The following PDE10A variants were observed in gnomAD, a reference collection of about 807,000 sequenced individuals.
The protein encoded by PDE10A is cAMP and cAMP-inhibited cGMP 3',5'-cyclic phosphodiesterase 10A.
PDE10A carries 39 observed loss-of-function variants against 97.7 expected under a neutral mutation model. That is an observed-to-expected ratio of 0.40 (90% confidence interval 0.31 to 0.52). The LOEUF (loss-of-function observed/expected upper bound fraction) is 0.52. Among genes scored for constraint, PDE10A ranks in the 20% least tolerant of loss-of-function variants. The pLI is 0.56. For synonymous variants in PDE10A, 371 were observed against 376.8 expected, an observed-to-expected ratio of 0.98 and a Z score of 0.18; for missense variants, 731 against 1,047.8, an observed-to-expected ratio of 0.70 and a Z score of 4.17.
intron 1 of PDE10A, among the ~76,000 whole-genome samples, chr6:165,955,146 G>T (rs1784097301): frequency 6.6e-6 from 1 of 152,106 alleles, no homozygotes; most frequent in Non-Finnish European, 1.5e-5. Context: ...AGGAGCCCAA[G>T]AGGGCTCGCA....
chr6:165,574,165 G>A (rs750450721), intron 1 of PDE10A, among the ~76,000 whole-genome samples: 1 of 151,958 alleles, frequency 6.6e-6, no homozygotes, highest in Non-Finnish European at 1.5e-5. Flanking sequence ...TTTTAAAGGG[G>A]TGTTCTAGCT....
Position 165,550,070 on chromosome 6 carries a change from C to T in PDE10A, c.866-6502G>A, listed in dbSNP as rs76288204. On this transcript the variant is annotated intron_variant, in intron 1 of 21. Coordinates refer to ENST00000539869, the MANE Select transcript of PDE10A (RefSeq NM_001385079.1). ...CCTCTCCCATTATGCCTCTCGCCCA[C>T]GACACCTGAGTTCTGACTCCTACAA... Among the ~76,000 whole-genome samples the T allele has an allele frequency of 4.6e-3, 694 of 152,214 alleles. 21 individuals are homozygous for T. Among genetic ancestry groups the T allele is most frequent in the Admixed American group, 0.038 (584 of 15,282 alleles).
At chr6:165,419,722 T>G (rs1332238030) in intron 10 of PDE10A, among the ~76,000 whole-genome samples, 1 of 152,184 alleles carries the variant, frequency 6.6e-6, no homozygotes, top group African/African-American at 2.4e-5. Flanking sequence ...TTACCTCTAT[T>G]GAGAATTCTG....
chr6:165,665,492 A>G (rs1159263622), upstream of PDE10A, among the ~76,000 whole-genome samples: 2 of 152,238 alleles, frequency 1.3e-5, no homozygotes, highest in Non-Finnish European at 2.9e-5. Flanking sequence ...CGGAGGGAAC[A>G]CTGCATTCTG....
At chr6:165,669,257 G>A (rs1790581508) in intron 1 of PDE10A, among the ~76,000 whole-genome samples, 1 of 152,222 alleles carries the variant, frequency 6.6e-6, no homozygotes, top group South Asian at 2.1e-4. Flanking sequence ...GTGAGCCAGA[G>A]ACACCCGGTG....
chr6:165,902,246 C>A (rs536131344), intron 1 of PDE10A, among the ~76,000 whole-genome samples: 6 of 152,348 alleles, frequency 3.9e-5, no homozygotes, highest in Non-Finnish European at 7.3e-5. Flanking sequence ...CTGGCCACAG[C>A]CCTTGTTTCT....
intron 1 of PDE10A, among the ~76,000 whole-genome samples, chr6:165,939,084 T>A (rs1341378190): frequency 6.6e-6 from 1 of 152,244 alleles, no homozygotes; most frequent in Admixed American, 6.5e-5. Context: ...AATATACCAG[T>A]TGACTCAGTA....
At chr6:165,585,787 C>A (rs1296577600) in intron 1 of PDE10A, among the ~76,000 whole-genome samples, 1 of 152,052 alleles carries the variant, frequency 6.6e-6, no homozygotes, top group Non-Finnish European at 1.5e-5. Flanking sequence ...AGGTGCTTAA[C>A]AATAAAACAT....
At chr6:165,415,296 G>T (rs533710896) in intron 12 of PDE10A, among the ~76,000 whole-genome samples, 27 of 152,026 alleles carry the variant, frequency 1.8e-4, no homozygotes, top group Non-Finnish European at 3.1e-4. Context: ...GTTTTTATAG[G>T]AGTTGTGTAT....
intron 1 of PDE10A, among the ~76,000 whole-genome samples, chr6:165,759,977 G>A (rs575207007): frequency 3.3e-5 from 5 of 152,176 alleles, no homozygotes; most frequent in Non-Finnish European, 5.9e-5. Flanking sequence ...TTTGAACTCA[G>A]TTGCATGAAT....
intron 1 of PDE10A, among the ~76,000 whole-genome samples, chr6:165,620,473 G>A (rs1254864652): frequency 6.6e-6 from 1 of 152,218 alleles, no homozygotes; most frequent in South Asian, 2.1e-4. Context: ...TCAGGTCACT[G>A]TGGAAAACCT....
intron 1 of PDE10A, among the ~76,000 whole-genome samples, chr6:165,680,772 C>T (rs148290134): frequency 0.03 from 4,637 of 152,120 alleles, 114 homozygotes; most frequent in Non-Finnish European, 0.045. Context: ...GGTGTGGTGG[C>T]GGGCACCTGT....
At chr6:165,704,054 G>A (rs911626282) in intron 1 of PDE10A, among the ~76,000 whole-genome samples, 1 of 152,186 alleles carries the variant, frequency 6.6e-6, no homozygotes, top group Non-Finnish European at 1.5e-5. Flanking sequence ...TCACCAAGGA[G>A]GGAGTAAACT....
intron 1 of PDE10A, among the ~76,000 whole-genome samples, chr6:165,688,230 G>GA (rs1791176326): frequency 6.6e-6 from 1 of 152,162 alleles, no homozygotes; most frequent in Admixed American, 6.5e-5. Context: ...ACGCCTTTGA[G>GA]ACCAAGTCAA....
intron 2 of PDE10A, among the ~76,000 whole-genome samples, chr6:165,530,605 A>G (rs528731678): frequency 4.4e-3 from 254 of 57,660 alleles, no homozygotes; most frequent in African/African-American, 7.5e-3. Flanking sequence ...ACACCTGCAC[A>G]TGTACCCCCC....
At chr6:165,763,444 C>T (rs1056937999) in intron 1 of PDE10A, among the ~76,000 whole-genome samples, 7 of 152,026 alleles carry the variant, frequency 4.6e-5, no homozygotes, top group Non-Finnish European at 1.0e-4. Flanking sequence ...TGCCTCAGCC[C>T]CCCCAGTAGC....
intron 1 of PDE10A, among the ~76,000 whole-genome samples, chr6:165,603,786 G>C (rs887643723): frequency 6.6e-6 from 1 of 152,134 alleles, no homozygotes; most frequent in Non-Finnish European, 1.5e-5. Flanking sequence ...TTCTGAAGTT[G>C]GTATTTTTTA....
intron 1 of PDE10A, among the ~76,000 whole-genome samples, chr6:165,689,708 G>C (rs1366975986): frequency 2.6e-5 from 4 of 152,208 alleles, no homozygotes; most frequent in African/African-American, 9.6e-5. Flanking sequence ...GGATGCTGGT[G>C]CCAGGCTTCT....
chr6:165,712,405 A>G (rs565743913), intron 1 of PDE10A, among the ~76,000 whole-genome samples: 1 of 152,184 alleles, frequency 6.6e-6, no homozygotes, highest in South Asian at 2.1e-4. Context: ...ACTTCCTTCA[A>G]CTATAAGGTA....
Sources: allele counts gnomAD v4.1 joint callset (sites outside exome capture counted in the v4.1 genomes callset), GRCh38; gene constraint gnomAD v4.1.1; transcripts MANE v1.5; gene names NCBI Gene and HGNC (gene_info 2026-07-23, HGNC 2026-07-21).